Variants in CNKSR2 observed in about 807,000 individuals in gnomAD.
CNKSR2 encodes CNK homolog protein 2.
In CNKSR2, 14 loss-of-function variants were observed where a neutral mutation model predicts 84.4. The ratio of observed to expected loss-of-function variants is 0.17; its 90% CI spans 0.11 to 0.26. CNKSR2 has a LOEUF of 0.26. CNKSR2 is among the 10% of genes least tolerant of loss of function. The pLI is 1.00. For missense variants in CNKSR2, 485 were observed against 771.2 expected (o/e 0.63, Z 4.40); for synonymous variants, 275 against 277.9 (o/e 0.99, Z 0.10).
intron 8 of CNKSR2, 93 bp from the exon 9 acceptor site, chrX:21,516,392 C>CCT (rs1555937311): frequency 3.2e-4 from 269 of 830,562 alleles, no homozygotes; most frequent in Middle Eastern, 8.4e-4. Flanking sequence ...AATTATGTGA[C>CCT]TTTTTTTTTT....
At chrX:21,591,353 T>C in intron 15 of CNKSR2, 159 bp downstream of exon 15, 2 of 367,887 alleles carry the variant, frequency 5.4e-6, no homozygotes, top group South Asian at 1.7e-4. Flanking sequence ...TGATTGCATG[T>C]TGGGGTTCTA....
intron 13 of CNKSR2, among the ~76,000 whole-genome samples, chrX:21,582,744 G>A (rs1402871722): frequency 8.9e-6 from 1 of 111,898 alleles, no homozygotes; most frequent in African/African-American, 3.2e-5. Flanking sequence ...CTCAGTAAAT[G>A]ATTATTATTT....
At chrX:21,453,923 G>A (rs950939542) in intron 4 of CNKSR2, among the ~76,000 whole-genome samples, 2 of 111,394 alleles carry the variant, frequency 1.8e-5, no homozygotes, top group Admixed American at 1.9e-4. Context: ...AGAACAGCAA[G>A]GGGGAAACAC....
At chrX:21,401,579 G>A (rs2090191865) in intron 1 of CNKSR2, among the ~76,000 whole-genome samples, 1 of 111,674 alleles carries the variant, frequency 9.0e-6, no homozygotes, top group African/African-American at 3.2e-5. Context: ...GCACCTATGT[G>A]CCTATTTCAG....
intron 13 of CNKSR2, among the ~76,000 whole-genome samples, chrX:21,566,112 G>A (rs900665484): frequency 9.0e-6 from 1 of 111,607 alleles, no homozygotes; most frequent in African/African-American, 3.3e-5. Context: ...TGAAAGGCTT[G>A]ACTTGAAAAA....
intron 4 of CNKSR2, among the ~76,000 whole-genome samples, chrX:21,445,305 T>G (rs749490949): frequency 9.0e-6 from 1 of 111,307 alleles, no homozygotes; most frequent in East Asian, 2.8e-4. Flanking sequence ...TTCACTTTTT[T>G]CTTTTATTTT....
At chrX:21,545,591 A>T (rs1443805970) in intron 11 of CNKSR2, among the ~76,000 whole-genome samples, 1 of 112,392 alleles carries the variant, frequency 8.9e-6, no homozygotes, top group African/African-American at 3.2e-5. Context: ...CTGCCTCCTT[A>T]AGTGGGTCCC....
At chrX:21,432,570 A>C (rs2090648058) in intron 2 of CNKSR2, 42 bp from the exon 3 acceptor site, 1 of 944,018 alleles carries the variant, frequency 1.1e-6, no homozygotes, top group Admixed American at 2.7e-5. Context: ...TGAATGAATA[A>C]AACTGACTTT....
chrX:21,474,467 C>G (rs1304888890), intron 5 of CNKSR2, among the ~76,000 whole-genome samples: 1 of 112,053 alleles, frequency 8.9e-6, no homozygotes, highest in Non-Finnish European at 1.9e-5. Flanking sequence ...AATTGTCCAA[C>G]CTGCCTGACA....
chrX:21,584,629 C>A (rs2092374086), intron 13 of CNKSR2, among the ~76,000 whole-genome samples: 1 of 111,810 alleles, frequency 8.9e-6, no homozygotes, highest in Non-Finnish European at 1.9e-5. Context: ...TGTGTAATGA[C>A]TTGAAGGAGT....
chrX:21,415,751 G>A (rs1207417169), intron 1 of CNKSR2, among the ~76,000 whole-genome samples: 1 of 105,152 alleles, frequency 9.5e-6, no homozygotes, highest in Non-Finnish European at 1.9e-5. Context: ...AAACCTGCAC[G>A]TTGTGCACAT....
chrX:21,484,233 G>A (rs918332717), intron 5 of CNKSR2, among the ~76,000 whole-genome samples: 3 of 111,822 alleles, frequency 2.7e-5, no homozygotes, highest in African/African-American at 6.5e-5. Context: ...AGAGGCTGCA[G>A]TGAGCTGAGA....
At chrX:21,467,380 G>T (rs995548998) in intron 4 of CNKSR2, among the ~76,000 whole-genome samples, 1 of 110,904 alleles carries the variant, frequency 9.0e-6, no homozygotes, top group African/African-American at 3.3e-5. Flanking sequence ...ACTGAGTGTG[G>T]TTACATTGCT....
At chrX:21,496,355 A>T (rs970409956) in intron 6 of CNKSR2, among the ~76,000 whole-genome samples, 1 of 111,862 alleles carries the variant, frequency 8.9e-6, no homozygotes, top group African/African-American at 3.2e-5. Context: ...CTTCAAATTA[A>T]GTATGTTGTA....
chrX:21,650,732 A>C (rs2092718994), intron 21 of CNKSR2, among the ~76,000 whole-genome samples: 1 of 112,150 alleles, frequency 8.9e-6, no homozygotes, highest in African/African-American at 3.2e-5. Flanking sequence ...CAGACAAACT[A>C]GAAAATGACC....
At chrX:21,484,772 A>G (rs2091362147) in intron 5 of CNKSR2, among the ~76,000 whole-genome samples, 2 of 112,288 alleles carry the variant, frequency 1.8e-5, no homozygotes, top group Admixed American at 1.9e-4. Flanking sequence ...AAATAAAAAT[A>G]CTTTAAGTAG....
intron 13 of CNKSR2, among the ~76,000 whole-genome samples, chrX:21,579,712 C>G (rs1167350599): frequency 1.8e-5 from 2 of 111,371 alleles, no homozygotes; most frequent in Non-Finnish European, 3.8e-5. Flanking sequence ...AGCTTTGGCT[C>G]TGTGTGGTGA....
At chrX:21,422,893 G>A (rs1027324296) in intron 1 of CNKSR2, among the ~76,000 whole-genome samples, 6 of 110,217 alleles carry the variant, frequency 5.4e-5, no homozygotes, top group African/African-American at 9.9e-5. Flanking sequence ...GGGCTTCTCC[G>A]AGAAACTGGC....
At chrX:21,565,444 G>C (rs2092229820) in intron 13 of CNKSR2, among the ~76,000 whole-genome samples, 1 of 111,687 alleles carries the variant, frequency 9.0e-6, no homozygotes, top group South Asian at 3.8e-4. Flanking sequence ...TCAAGAATCT[G>C]ATCTACTAAC....
Sources: allele counts gnomAD v4.1 joint callset (sites outside exome capture counted in the v4.1 genomes callset), GRCh38; gene constraint gnomAD v4.1.1; transcripts MANE v1.5; gene names NCBI Gene and HGNC (gene_info 2026-07-23, HGNC 2026-07-21).